Variants in CTNNA3 observed in about 807,000 individuals in gnomAD.
CTNNA3 encodes catenin alpha 3.
Under a neutral mutation model 95.7 loss-of-function variants are expected in CTNNA3, and 76 were observed. That is an observed-to-expected ratio of 0.79 (90% CI 0.66 to 0.96). The LOEUF (loss-of-function observed/expected upper bound fraction) is 0.96, where lower values mean the gene tolerates loss of function less well. Ranked by LOEUF, CTNNA3 falls within the 40% of genes least tolerant of loss-of-function variation. The pLI is 0.00. For synonymous variants in CTNNA3, 431 were observed against 374.4 expected (o/e 1.15, Z -1.74); for missense variants, 1,191 against 1,089.8 (o/e 1.09, Z -1.31).
At chr10:66,749,550 T>C (rs921159921) in intron 9 of CTNNA3, among the ~76,000 whole-genome samples, 2 of 152,218 alleles carry the variant, frequency 1.3e-5, no homozygotes, top group Non-Finnish European at 2.9e-5. Flanking sequence ...TAGCTCATTT[T>C]TTTGTGTTGA....
intron 7 of CTNNA3, among the ~76,000 whole-genome samples, chr10:66,836,656 T>G (rs1842896857): frequency 6.6e-6 from 1 of 152,164 alleles, no homozygotes; most frequent in Non-Finnish European, 1.5e-5. Flanking sequence ...ACAAACCCAC[T>G]ATGTGGCATG....
At chr10:67,654,035 G>C (rs1024629327) in intron 1 of CTNNA3, among the ~76,000 whole-genome samples, 2 of 152,156 alleles carry the variant, frequency 1.3e-5, no homozygotes, top group African/African-American at 4.8e-5. Flanking sequence ...GATTGAGTTT[G>C]GGTGTACAGG....
At chr10:67,601,424 C>T (rs774418426) in intron 3 of CTNNA3, among the ~76,000 whole-genome samples, 29 of 152,090 alleles carry the variant, frequency 1.9e-4, no homozygotes, top group Non-Finnish European at 3.4e-4. Context: ...AATCTAATGC[C>T]GCAGCTGATC....
chr10:66,681,044 A>T (rs1318530954), intron 9 of CTNNA3, among the ~76,000 whole-genome samples: 1 of 152,162 alleles, frequency 6.6e-6, no homozygotes, highest in African/African-American at 2.4e-5. Flanking sequence ...TCCAGTGTCT[A>T]CATAAACTTT....
intron 11 of CTNNA3, among the ~76,000 whole-genome samples, chr10:66,434,203 G>C (rs1379500295): frequency 6.6e-6 from 1 of 152,024 alleles, no homozygotes; most frequent in Non-Finnish European, 1.5e-5. Flanking sequence ...TGCTTAATGG[G>C]AATAGCATTG....
chr10:67,515,567 G>A (rs917234912), intron 5 of CTNNA3, among the ~76,000 whole-genome samples: 1 of 152,110 alleles, frequency 6.6e-6, no homozygotes, highest in Non-Finnish European at 1.5e-5. Flanking sequence ...TGTCTGAAAT[G>A]CTTTGAAATC....
chr10:67,446,847 T>C (rs1846767968), intron 5 of CTNNA3, among the ~76,000 whole-genome samples: 2 of 152,146 alleles, frequency 1.3e-5, no homozygotes, highest in African/African-American at 4.8e-5. Flanking sequence ...GGCTCACGGC[T>C]GTAATCCCAG....
chr10:65,970,199 T>C (rs2078064368), intron 16 of CTNNA3, among the ~76,000 whole-genome samples: 1 of 151,918 alleles, frequency 6.6e-6, no homozygotes. Flanking sequence ...GAAAGAGAAA[T>C]AAAAATATTT....
chr10:67,326,310 C>T (rs773640624), intron 5 of CTNNA3, among the ~76,000 whole-genome samples: 1 of 152,104 alleles, frequency 6.6e-6, no homozygotes, highest in Non-Finnish European at 1.5e-5. Flanking sequence ...TATGTAGTTG[C>T]TTTATAGTGT....
rs533883148 is a variant in CTNNA3 at position 66,873,002 on chromosome 10, C to T, written c.1048-97478G>A. 4.6e-5 allele frequency among the ~76,000 whole-genome samples: 7 copies of T among 152,216 alleles called. No individual in the cohort carries two copies. The East Asian group carries it at 5.8e-4, about 13-fold the overall frequency. ...TAAGATAATGGCCTCCAGCTGCATC[C>T]GTAATGCTGCAAAGGGCATAATTTC... On this transcript the variant is annotated intron_variant, in intron 7 of 17. Transcript: ENST00000433211.
chr10:66,869,306 T>C (rs1191900342), intron 7 of CTNNA3, among the ~76,000 whole-genome samples: 1 of 152,040 alleles, frequency 6.6e-6, no homozygotes, highest in Non-Finnish European at 1.5e-5. Context: ...AAAAGAACAA[T>C]CAGGGCTGGG....
Position 66,430,327 on chromosome 10 carries a change from G to C in CTNNA3, c.1532-50975C>G, listed in dbSNP as rs1412198319. ...CAATATCGTGAAAATGGCCATACTG[G>C]CCAAGGTAATTTATAGATTCAATGC... On this transcript the variant is annotated intron_variant, in intron 11 of 17. Coordinates refer to ENST00000433211, the MANE Select transcript of CTNNA3 (RefSeq NM_013266.4). Among the ~76,000 whole-genome samples the C allele has an allele frequency of 1.6e-4, 24 of 152,136 alleles. 1 individual carries two copies. The East Asian group carries it at 1.9e-3, about 12-fold the overall frequency.
intron 12 of CTNNA3, among the ~76,000 whole-genome samples, chr10:66,297,292 CT>C (rs1564847264): frequency 6.6e-6 from 1 of 152,054 alleles, no homozygotes; most frequent in Non-Finnish European, 1.5e-5. Context: ...TAACCACCCC[CT>C]GGTTCCATCC....
At chr10:67,154,272 T>C (rs900278832) in intron 7 of CTNNA3, among the ~76,000 whole-genome samples, 1 of 152,160 alleles carries the variant, frequency 6.6e-6, no homozygotes, top group East Asian at 1.9e-4. Flanking sequence ...CTTTTCATCT[T>C]AAAATATATC....
At chr10:66,992,486 C>T (rs1332882453) in intron 7 of CTNNA3, among the ~76,000 whole-genome samples, 2 of 151,522 alleles carry the variant, frequency 1.3e-5, no homozygotes, top group Non-Finnish European at 2.9e-5. Flanking sequence ...TTTGTCAGTT[C>T]TAGTTTTATG....
At chr10:66,039,080 T>C (rs979072917) in intron 15 of CTNNA3, among the ~76,000 whole-genome samples, 1 of 152,126 alleles carries the variant, frequency 6.6e-6, no homozygotes, top group Non-Finnish European at 1.5e-5. Flanking sequence ...CAAAAATCAC[T>C]AGCATTCTTA....
intron 1 of CTNNA3, among the ~76,000 whole-genome samples, chr10:67,689,228 A>G (rs1054826780): frequency 2.6e-5 from 4 of 152,142 alleles, no homozygotes; most frequent in African/African-American, 9.7e-5. Context: ...GTCCTCACTT[A>G]TATGAATAGG....
chr10:67,301,071 C>T (rs1304411743), intron 5 of CTNNA3, among the ~76,000 whole-genome samples: 1 of 152,068 alleles, frequency 6.6e-6, no homozygotes, highest in Non-Finnish European at 1.5e-5. Context: ...CTTAGTGAGC[C>T]AGGAGGAGTT....
At chr10:66,919,138 A>G (rs1360196100) in intron 7 of CTNNA3, among the ~76,000 whole-genome samples, 4 of 150,330 alleles carry the variant, frequency 2.7e-5, no homozygotes, top group Non-Finnish European at 5.9e-5. Flanking sequence ...CTGTCTTAAA[A>G]AAAAAAAAAA....
Sources: gnomAD v4.1 joint callset for allele counts (sites outside exome capture counted in the v4.1 genomes callset) on GRCh38, gnomAD v4.1.1 for gene constraint, MANE v1.5 for transcripts, NCBI Gene and HGNC (gene_info 2026-07-23, HGNC 2026-07-21) for gene names.